PCDH11X: variants seen among roughly 807,000 people sequenced by gnomAD.
The protein encoded by PCDH11X is protocadherin 11 X-linked, also known as protocadherin-11 X-linked.
PCDH11X carries 18 observed loss-of-function variants against 53.3 expected under a neutral mutation model. The ratio of observed to expected loss-of-function variants is 0.34; its 90% CI spans 0.23 to 0.50. The LOEUF (loss-of-function observed/expected upper bound fraction) is 0.50. Ranked by LOEUF, PCDH11X falls within the 20% of genes least tolerant of loss-of-function variation. The pLI, the probability that PCDH11X is intolerant of heterozygous loss-of-function variation, is 0.98. For missense variants in PCDH11X, 570 were observed against 1,032.4 expected (o/e 0.55, Z 6.14); for synonymous variants, 279 against 393.3 (o/e 0.71, Z 3.44).
At chrX:92,196,913 C>T (rs747552839) in intron 6 of PCDH11X, among the ~76,000 whole-genome samples, 1 of 111,383 alleles carries the variant, frequency 9.0e-6, no homozygotes, top group East Asian at 2.8e-4. Context: ...GCTTCTGCTT[C>T]ATGTTGTTAG....
chrX:92,024,732 A>C (rs865908023), intron 6 of PCDH11X, among the ~76,000 whole-genome samples: 2 of 104,717 alleles, frequency 1.9e-5, no homozygotes, highest in Non-Finnish European at 3.9e-5. Flanking sequence ...AAAAAAAAAA[A>C]AAAAACAAAA....
chrX:91,982,825 T>C (rs2062162819), intron 6 of PCDH11X: 2 of 836,543 alleles, frequency 2.4e-6, no homozygotes, highest in Non-Finnish European at 3.6e-6. Flanking sequence ...TCAGGGTCAA[T>C]CAAATACTTG....
intron 7 of PCDH11X, among the ~76,000 whole-genome samples, chrX:92,216,847 G>T (rs199682699): frequency 9.6e-6 from 1 of 103,690 alleles, no homozygotes; most frequent in Admixed American, 1.0e-4. Flanking sequence ...GACTAACAGC[G>T]GATCTCTCGG....
intron 6 of PCDH11X, among the ~76,000 whole-genome samples, chrX:91,954,830 G>A (rs1368794455): frequency 2.8e-5 from 3 of 107,783 alleles, no homozygotes; most frequent in African/African-American, 6.9e-5. Flanking sequence ...TTGTAAATTT[G>A]TTTAAGTTCC....
At chrX:92,357,097 G>T (rs2070228207) in intron 8 of PCDH11X, among the ~76,000 whole-genome samples, 1 of 96,524 alleles carries the variant, frequency 1.0e-5, no homozygotes, top group South Asian at 4.7e-4. Context: ...TATTTTTTCT[G>T]AATGAATCAC....
At chrX:91,960,723 C>T (rs1461306378) in intron 6 of PCDH11X, among the ~76,000 whole-genome samples, 1 of 111,389 alleles carries the variant, frequency 9.0e-6, no homozygotes, top group Non-Finnish European at 1.9e-5. Context: ...CACACCTGGC[C>T]AGGTTTCAGG....
At chrX:92,020,563 G>T (rs2525130) in intron 6 of PCDH11X, among the ~76,000 whole-genome samples, 1 of 111,057 alleles carries the variant, frequency 9.0e-6, no homozygotes, top group South Asian at 3.9e-4. Context: ...GAGTTCCTAG[G>T]GGGAGGGGTG....
chrX:91,870,134 T>A (rs958595390), intron 5 of PCDH11X, among the ~76,000 whole-genome samples: 10 of 111,757 alleles, frequency 8.9e-5, no homozygotes, highest in Non-Finnish European at 1.5e-4. Context: ...GAAAAATAGA[T>A]GTGCTTCACT....
intron 6 of PCDH11X, among the ~76,000 whole-genome samples, chrX:91,954,280 G>A (rs988595966): frequency 2.4e-4 from 27 of 110,939 alleles, no homozygotes; most frequent in Non-Finnish European, 4.9e-4. Flanking sequence ...ATCCATAAAA[G>A]ACAAGATCTC....
chrX:91,965,625 C>T (rs2061852165), intron 6 of PCDH11X, among the ~76,000 whole-genome samples: 2 of 108,787 alleles, frequency 1.8e-5, no homozygotes, highest in Non-Finnish European at 3.8e-5. Context: ...AACCTGATTT[C>T]TTTGTCCCAG....
At chrX:92,297,765 T>C (rs1414912091) in intron 8 of PCDH11X, among the ~76,000 whole-genome samples, 1 of 110,891 alleles carries the variant, frequency 9.0e-6, no homozygotes, top group African/African-American at 3.3e-5. Flanking sequence ...TATTGATTCT[T>C]CCTATCCATT....
chrX:92,380,724 A>G (rs1219236158), intron 8 of PCDH11X, among the ~76,000 whole-genome samples: 1 of 111,131 alleles, frequency 9.0e-6, no homozygotes, highest in South Asian at 3.8e-4. Context: ...TGGAGACTAT[A>G]TCTTTCTACT....
chrX:92,489,771 T>TTA (rs979275741), intron 10 of PCDH11X, among the ~76,000 whole-genome samples: 1 of 105,367 alleles, frequency 9.5e-6, no homozygotes, highest in African/African-American at 3.4e-5. Context: ...ATATAAATTT[T>TTA]TATATATACA....
intron 6 of PCDH11X, among the ~76,000 whole-genome samples, chrX:92,180,507 G>A (rs2065978355): frequency 9.0e-6 from 1 of 110,836 alleles, no homozygotes; most frequent in Non-Finnish European, 1.9e-5. Flanking sequence ...CTTGCTCTTG[G>A]TGAGCTTGTA....
chrX:92,130,429 C>G (rs2148194623), intron 6 of PCDH11X, among the ~76,000 whole-genome samples: 1 of 110,412 alleles, frequency 9.1e-6, no homozygotes, highest in South Asian at 3.9e-4. Context: ...GTGGGCAGAT[C>G]ACCTGAGGTC....
intron 6 of PCDH11X, among the ~76,000 whole-genome samples, chrX:92,125,588 T>A (rs1423284681): frequency 7.2e-5 from 8 of 111,516 alleles, no homozygotes; most frequent in Admixed American, 9.6e-5. Flanking sequence ...TTTGCCCTTT[T>A]AAGGATGTTA....
intron 6 of PCDH11X, among the ~76,000 whole-genome samples, chrX:92,139,068 A>G (rs902441726): frequency 1.9e-5 from 2 of 107,091 alleles, no homozygotes; most frequent in African/African-American, 6.9e-5. Context: ...TTGAAATTGC[A>G]TTTACATATA....
chrX:91,851,124 GATTA>G (rs1343308628), intron 5 of PCDH11X, among the ~76,000 whole-genome samples: 1 of 110,140 alleles, frequency 9.1e-6, no homozygotes, highest in Non-Finnish European at 1.9e-5. Flanking sequence ...ATGTGATGCT[GATTA>G]ATTAAGATGT....
chrX:92,568,434 A>AC (rs1921782222), intron 10 of PCDH11X, among the ~76,000 whole-genome samples: 1 of 108,668 alleles, frequency 9.2e-6, no homozygotes. Flanking sequence ...AAAAAAAAAA[A>AC]AATTCATAGT....
Sources: gnomAD v4.1 joint callset for allele counts (sites outside exome capture counted in the v4.1 genomes callset) on GRCh38, gnomAD v4.1.1 for gene constraint, MANE v1.5 for transcripts, NCBI Gene and HGNC (gene_info 2026-07-23, HGNC 2026-07-21) for gene names.